The following DGKI variants were observed in gnomAD, a reference collection of about 807,000 sequenced individuals.
The protein encoded by DGKI is DAG kinase iota.
A neutral mutation model predicts 147.5 loss-of-function variants in DGKI; 55 were observed. The ratio of observed to expected loss-of-function variants is 0.37; its 90% CI spans 0.30 to 0.47. DGKI has a LOEUF of 0.47. Among genes scored for constraint, DGKI ranks in the 20% least tolerant of loss-of-function variants. DGKI has a pLI of 1.00. For synonymous variants in DGKI, 469 were observed against 477.1 expected (o/e 0.98, Z 0.22); for missense variants, 1,007 against 1,323.8 (o/e 0.76, Z 3.71).
intron 21 of DGKI, among the ~76,000 whole-genome samples, chr7:137,515,939 A>T (rs1454951715): frequency 1.3e-5 from 2 of 152,140 alleles, no homozygotes; most frequent in East Asian, 3.9e-4. Flanking sequence ...CAAATCGTGA[A>T]AATAGGAATA....
intron 27 of DGKI, among the ~76,000 whole-genome samples, chr7:137,461,225 G>A (rs1013201235): frequency 3.3e-5 from 5 of 152,168 alleles, no homozygotes; most frequent in South Asian, 2.1e-4. Context: ...AAGCCAAACC[G>A]ACCTCAGGTC....
chr7:137,559,081 T>TTC (rs1818324896), intron 19 of DGKI, among the ~76,000 whole-genome samples: 1 of 122,994 alleles, frequency 8.1e-6, no homozygotes, highest in Admixed American at 7.8e-5. Flanking sequence ...TTTTTTTTTT[T>TTC]TTTTTTTTGA....
intron 20 of DGKI, among the ~76,000 whole-genome samples, chr7:137,544,349 T>C (rs961336941): frequency 6.6e-6 from 1 of 152,158 alleles, no homozygotes; most frequent in Admixed American, 6.5e-5. Context: ...CTGGCCTATA[T>C]AGAATATAGA....
rs1448187098 is a variant in DGKI at position 137,401,366 on chromosome 7, T to C, written c.2921-3953A>G. 2.1e-5 allele frequency among the ~76,000 whole-genome samples: 3 copies of C among 144,852 alleles called. No homozygotes were observed. The South Asian group carries it at 6.4e-4, about 31-fold the overall frequency. On this transcript the variant is annotated intron_variant, in intron 30 of 32. Coordinates refer to ENST00000614521, the MANE Select transcript of DGKI (RefSeq NM_001321708.2). ...GGGTAACATAGCAAGACCCCAACTC[T>C]ACAAAAAAAAAAAAATTAGCTGGGC...
intron 1 of DGKI, among the ~76,000 whole-genome samples, chr7:137,774,145 T>C (rs1281124207): frequency 6.6e-6 from 1 of 152,194 alleles, no homozygotes; most frequent in East Asian, 1.9e-4. Flanking sequence ...TTGGCCAGTG[T>C]TTTATAATTT....
chr7:137,618,952 C>G (rs550391597), intron 8 of DGKI, among the ~76,000 whole-genome samples: 26 of 152,126 alleles, frequency 1.7e-4, no homozygotes, highest in Non-Finnish European at 3.1e-4. Flanking sequence ...ATCCCTGATC[C>G]ACCAGTTTTT....
intron 19 of DGKI, among the ~76,000 whole-genome samples, chr7:137,564,514 C>T (rs1217966933): frequency 6.6e-6 from 1 of 151,892 alleles, no homozygotes; most frequent in Non-Finnish European, 1.5e-5. Flanking sequence ...TCTTCTATTT[C>T]AACAATAAAT....
chr7:137,521,837 A>C (rs766049029), intron 21 of DGKI, 29 bp downstream of exon 21: 124 of 1,504,444 alleles, frequency 8.2e-5, no homozygotes, highest in Non-Finnish European at 1.1e-4. Context: ...GGCTGATCGC[A>C]TGAAATCAAT....
At chr7:137,704,134 C>T (rs896594944) in intron 1 of DGKI, among the ~76,000 whole-genome samples, 2 of 152,146 alleles carry the variant, frequency 1.3e-5, no homozygotes, top group Non-Finnish European at 2.9e-5. Flanking sequence ...TCACTTGAAC[C>T]CAGCAGGCGG....
chr7:137,712,800 T>C (rs1435046595), intron 1 of DGKI, among the ~76,000 whole-genome samples: 1 of 152,256 alleles, frequency 6.6e-6, no homozygotes, highest in Non-Finnish European at 1.5e-5. Flanking sequence ...GAGTTAGCTG[T>C]ATGATAGACA....
At chr7:137,816,841 C>T (rs1797751322) in intron 1 of DGKI, among the ~76,000 whole-genome samples, 1 of 152,090 alleles carries the variant, frequency 6.6e-6, no homozygotes, top group Non-Finnish European at 1.5e-5. Flanking sequence ...GTAAAAAGAT[C>T]CGAAGAAGGG....
chr7:137,712,216 G>A (rs1402352979), intron 1 of DGKI, among the ~76,000 whole-genome samples: 1 of 152,220 alleles, frequency 6.6e-6, no homozygotes. Context: ...ACAGACTTCA[G>A]AGGTTATTAC....
intron 19 of DGKI, among the ~76,000 whole-genome samples, chr7:137,553,836 C>T (rs1204214309): frequency 1.3e-5 from 2 of 152,128 alleles, no homozygotes; most frequent in African/African-American, 4.8e-5. Flanking sequence ...ATTCTTTTTG[C>T]CTTATTATCT....
At chr7:137,523,422 TTCTC>T (rs899146634) in intron 20 of DGKI, among the ~76,000 whole-genome samples, 44 of 148,530 alleles carry the variant, frequency 3.0e-4, no homozygotes, top group East Asian at 2.3e-3. Context: ...ACATGGTGCA[TTCTC>T]TCTCTCTTTC....
chr7:137,584,308 T>C (rs940944812), intron 14 of DGKI, among the ~76,000 whole-genome samples: 3 of 152,078 alleles, frequency 2.0e-5, no homozygotes, highest in Non-Finnish European at 2.9e-5. Context: ...AAAAATTCAA[T>C]CATAGAAGGA....
At chr7:137,450,530 C>T (rs1813911826) in intron 27 of DGKI, among the ~76,000 whole-genome samples, 1 of 152,004 alleles carries the variant, frequency 6.6e-6, no homozygotes, top group Non-Finnish European at 1.5e-5. Flanking sequence ...ACCAGCCTGG[C>T]CAACATGGTG....
chr7:137,649,019 C>A (rs1821930077), intron 5 of DGKI, among the ~76,000 whole-genome samples: 1 of 152,112 alleles, frequency 6.6e-6, no homozygotes, highest in Non-Finnish European at 1.5e-5. Flanking sequence ...CAAACTACAG[C>A]TCTGCGATTT....
chr7:137,834,935 C>A (rs779265127), intron 1 of DGKI, among the ~76,000 whole-genome samples: 1 of 152,286 alleles, frequency 6.6e-6, no homozygotes, highest in Non-Finnish European at 1.5e-5. Context: ...CACACACATA[C>A]CCATTGGGAC....
rs530219548 is a variant in DGKI at position 137,785,676 on chromosome 7, G to A, written c.401+60786C>T. The stretch of plus-strand genomic sequence containing the variant: ...ACCAGGGAAGGACATTAAAAAAACA[G>A]AAAACTACAGACCAATACCCTTGAT... On this transcript the variant is annotated intron_variant, in intron 1 of 32. Transcript: ENST00000614521. 5.3e-5 allele frequency among the ~76,000 whole-genome samples: 8 copies of A among 151,974 alleles called. 1 individual carries two copies. The South Asian group carries it at 1.7e-3, about 32-fold the overall frequency.
Sources: gnomAD v4.1 joint callset for allele counts (sites outside exome capture counted in the v4.1 genomes callset) on GRCh38, gnomAD v4.1.1 for gene constraint, MANE v1.5 for transcripts, NCBI Gene and HGNC (gene_info 2026-07-23, HGNC 2026-07-21) for gene names.